Variants in ADAM9 observed in about 807,000 individuals in gnomAD.
The protein encoded by ADAM9 is ADAM metallopeptidase domain 9.
Under a neutral mutation model 108.1 loss-of-function variants are expected in ADAM9, and 54 were observed. The observed-to-expected ratio is 0.50, with a 90% CI of 0.40 to 0.63. ADAM9 has a LOEUF of 0.63. Ranked by LOEUF, ADAM9 falls within the 20% of genes least tolerant of loss-of-function variation. ADAM9 has a pLI of 0.00. For missense variants in ADAM9, 830 were observed against 997.7 expected, an observed-to-expected ratio of 0.83 and a Z score of 2.26; for synonymous variants, 316 against 336.0, an observed-to-expected ratio of 0.94 and a Z score of 0.65.
At chr8:39,068,675 CAAAAAAAAAAAAAAAAAAA>C (rs562274321) in intron 14 of ADAM9, among the ~76,000 whole-genome samples, 19 of 42,010 alleles carry the variant, frequency 4.5e-4, no homozygotes, top group East Asian at 2.2e-3. Context: ...AACTTCTCCT[CAAAAAAAAAAAAAAAAAAA>C]AAAAAAAAAA....
intron 11 of ADAM9, among the ~76,000 whole-genome samples, chr8:39,027,734 G>C (rs1280303248): frequency 6.6e-6 from 1 of 152,034 alleles, no homozygotes. Context: ...ACTGTAGTTC[G>C]TACGTGTGTA....
chr8:39,058,897 A>G (rs999186451), intron 14 of ADAM9, among the ~76,000 whole-genome samples: 1 of 152,180 alleles, frequency 6.6e-6, no homozygotes, highest in African/African-American at 2.4e-5. Flanking sequence ...TTATGGGAAA[A>G]TCAGCATTGG....
At chr8:39,086,706 A>T (rs560838756) in intron 18 of ADAM9, among the ~76,000 whole-genome samples, 5 of 151,936 alleles carry the variant, frequency 3.3e-5, no homozygotes, top group Non-Finnish European at 7.4e-5. Flanking sequence ...TTTGTGGGTT[A>T]TTGGATATTT....
At chr8:39,013,505 CT>C (rs370238974) in intron 3 of ADAM9, among the ~76,000 whole-genome samples, 13,015 of 135,634 alleles carry the variant, frequency 0.096, 689 homozygotes, top group Non-Finnish European at 0.14. Context: ...TTTTTTTCTC[CT>C]TTTTTTTTTT....
chr8:39,000,736 G>C (rs1288461753), intron 1 of ADAM9, among the ~76,000 whole-genome samples: 1 of 152,124 alleles, frequency 6.6e-6, no homozygotes, highest in Non-Finnish European at 1.5e-5. Flanking sequence ...CAAAGTGCTG[G>C]GATTACAGGT....
rs1467434745 is a variant in ADAM9 at position 39,103,798 on chromosome 8, T to C, written c.*98T>C. ...TTGAAAAGCCTTTCTGTTGCAACTA[T>C]GAATGAAAACAAAACACCACAAAAC... On this transcript the variant is annotated 3_prime_UTR_variant, in exon 22 of 22. Coordinates refer to ENST00000487273, the MANE Select transcript of ADAM9 (RefSeq NM_003816.3). 8.5e-7 allele frequency: 1 copy of C among 1,170,320 alleles called. No individual in the cohort carries two copies. Among genetic ancestry groups the C allele is most frequent in the East Asian group, 2.3e-5 (1 of 42,620 alleles). 72.5% of individuals were successfully genotyped at this position (1,170,320 alleles called of 1,614,324 possible).
chr8:39,048,762 G>T (rs1245134432), intron 12 of ADAM9, among the ~76,000 whole-genome samples: 3 of 151,976 alleles, frequency 2.0e-5, no homozygotes, highest in Non-Finnish European at 2.9e-5. Flanking sequence ...CTAATGCTGG[G>T]TGCATATATA....
intron 1 of ADAM9, 30 bp from the exon 2 acceptor site, chr8:39,007,856 T>G: frequency 6.7e-7 from 1 of 1,483,618 alleles, no homozygotes; most frequent in Non-Finnish European, 9.4e-7. Context: ...TCAGTTTCAC[T>G]TATTATATTT....
chr8:39,087,705 C>T (rs969934795), intron 18 of ADAM9, among the ~76,000 whole-genome samples: 1 of 152,068 alleles, frequency 6.6e-6, no homozygotes, highest in Non-Finnish European at 1.5e-5. Context: ...AATAATCTTG[C>T]CAGTGTTGAA....
chr8:39,078,620 G>A (rs1431074963), intron 16 of ADAM9, among the ~76,000 whole-genome samples: 1 of 151,982 alleles, frequency 6.6e-6, no homozygotes, highest in African/African-American at 2.4e-5. Flanking sequence ...CGTCTCTACA[G>A]AAAATACAAA....
chr8:39,014,450 T>C lies in ADAM9; in HGVS notation c.333+407T>C, dbSNP rs1396458730. The C allele has an allele frequency of 5.4e-5, 36 of 665,380 alleles. 1 individual carries two copies. The highest frequency in any genetic ancestry group is 5.1e-5 in the Non-Finnish European group (19 of 371,998). The allele number at this position is 665,380 out of a possible 1,614,324, so 41.2% of individuals were successfully genotyped here. A position where few individuals can be genotyped will look rare whatever the true frequency, so the allele number is the denominator to read the frequency against. On this transcript the variant is annotated intron_variant, in intron 4 of 21. Coordinates refer to ENST00000487273, the MANE Select transcript of ADAM9 (RefSeq NM_003816.3). Reference sequence around the variant, plus strand: ...AACACTCATTTGATGTTATGTGTTCTAATGTTCTAAATTTTTTCTGAAAAT... The same window carrying C: ...AACACTCATTTGATGTTATGTGTTCCAATGTTCTAAATTTTTTCTGAAAAT...
chr8:39,023,416 G>A, intron 9 of ADAM9, 91 bp downstream of exon 9: 6 of 1,348,412 alleles, frequency 4.4e-6, no homozygotes, highest in Non-Finnish European at 6.0e-6. Context: ...TTCTCTTGAG[G>A]TTTTGGGGTA....
intron 15 of ADAM9, among the ~76,000 whole-genome samples, chr8:39,071,839 T>A (rs562290469): frequency 8.4e-4 from 128 of 152,308 alleles, no homozygotes; most frequent in African/African-American, 3.0e-3. Flanking sequence ...TTTTCAAACA[T>A]TTTACAATGC....
chr8:39,098,500 TAA>T (rs1457660400), intron 20 of ADAM9, among the ~76,000 whole-genome samples: 1 of 152,232 alleles, frequency 6.6e-6, no homozygotes, highest in East Asian at 1.9e-4. Flanking sequence ...TTCTATTCAC[TAA>T]GTCTCTACTA....
intron 20 of ADAM9, among the ~76,000 whole-genome samples, chr8:39,100,082 A>G (rs1156740176): frequency 6.6e-6 from 1 of 151,894 alleles, no homozygotes; most frequent in African/African-American, 2.4e-5. Context: ...CATGTTGGCC[A>G]GGCTGGTCTT....
At chr8:39,032,481 G>A (rs904007571) in intron 11 of ADAM9, among the ~76,000 whole-genome samples, 8 of 152,272 alleles carry the variant, frequency 5.3e-5, no homozygotes, top group African/African-American at 1.2e-4. Flanking sequence ...CGAGCCAGGC[G>A]TGGGATGTAA....
At chr8:39,049,402 A>G (rs1463550170) in intron 12 of ADAM9, among the ~76,000 whole-genome samples, 1 of 150,666 alleles carries the variant, frequency 6.6e-6, no homozygotes, top group Non-Finnish European at 1.5e-5. Context: ...ACAGTTTACA[A>G]TCTATTAATA....
chr8:39,051,932 A>G (rs1348667459), intron 12 of ADAM9, among the ~76,000 whole-genome samples: 2 of 152,262 alleles, frequency 1.3e-5, no homozygotes, highest in Admixed American at 1.3e-4. Flanking sequence ...TATATATACA[A>G]ACATACACAC....
intron 12 of ADAM9, among the ~76,000 whole-genome samples, chr8:39,049,822 A>G (rs1837897837): frequency 6.6e-6 from 1 of 152,138 alleles, no homozygotes; most frequent in Non-Finnish European, 1.5e-5. Flanking sequence ...GCAACACAGT[A>G]TTTTGCATTT....
Sources: gnomAD v4.1 joint callset for allele counts (sites outside exome capture counted in the v4.1 genomes callset) on GRCh38, gnomAD v4.1.1 for gene constraint, MANE v1.5 for transcripts, NCBI Gene and HGNC (gene_info 2026-07-23, HGNC 2026-07-21) for gene names.